The following RNF216 variants were observed in gnomAD, a reference collection of about 807,000 sequenced individuals.
The protein encoded by RNF216 is ring finger protein 216, also known as E3 ubiquitin-protein ligase RNF216.
In RNF216, 72 loss-of-function variants were observed where a neutral mutation model predicts 110.8. The observed-to-expected ratio is 0.65, with a 90% CI of 0.54 to 0.79. The LOEUF (loss-of-function observed/expected upper bound fraction) is 0.79. RNF216 is among the 30% of genes least tolerant of loss of function. RNF216 has a pLI of 0.00. For missense variants in RNF216, 1,342 were observed against 1,141.2 expected (o/e 1.18, Z -2.54); for synonymous variants, 495 against 407.5 (o/e 1.21, Z -2.59).
Position 5,721,104 on chromosome 7 carries a change from G to A in RNF216, c.1573C>T (p.Arg525Ter), listed in dbSNP as rs765327870. Reference protein sequence around the residue: ...NKRRHCRSYDRRALLPAVQQE... With the variant: ...NKRRHCRSYD ...TGCACAGCTGGAAGGAGAGCACGTC[G>A]GTCATAGGACCTACAATGTCGTCGC... The change falls in exon 9 of 17, where the codon CGA becomes TGA. Residue 525 changes from arginine (R) to a stop codon, truncating the protein, a stop_gained. Coordinates refer to ENST00000389902, the MANE Select transcript of RNF216 (RefSeq NM_207111.4). LOFTEE classifies it high-confidence loss of function. 1.2e-6 allele frequency: 2 copies of A among 1,613,828 alleles called. No individual in the cohort carries two copies. The highest frequency in any genetic ancestry group is 8.5e-7 in the Non-Finnish European group (1 of 1,179,804).
chr7:5,740,970 T>G lies in RNF216; in HGVS notation c.1044+3A>C. 1 of 1,585,494 alleles carries G rather than the reference T, an allele frequency of 6.3e-7. No homozygotes were observed. Among genetic ancestry groups the G allele is most frequent in the Non-Finnish European group, 8.5e-7 (1 of 1,169,882 alleles). On this transcript the variant is annotated splice_donor_region_variant and intron_variant, in intron 4 of 16. Transcript: ENST00000389902. ...TACATTTACTTGATAAAATAAAACT[T>G]ACCGTTTCTTTCACTAGTAGTTCAA...
chr7:5,734,124 G>A (rs150190697), intron 5 of RNF216, among the ~76,000 whole-genome samples: 2,080 of 152,280 alleles, frequency 0.014, 43 homozygotes, highest in African/African-American at 0.048. Context: ...GAAGGTGGAT[G>A]CCAGGGTGTG....
chr7:5,716,598 C>G (rs1362809831), intron 10 of RNF216, 118 bp downstream of exon 10: 2 of 715,988 alleles, frequency 2.8e-6, no homozygotes, highest in Non-Finnish European at 4.8e-6. Flanking sequence ...GAACTGCAAA[C>G]TCACCAAACA....
intron 13 of RNF216, among the ~76,000 whole-genome samples, chr7:5,667,226 G>A (rs1249260819): frequency 6.6e-6 from 1 of 152,138 alleles, no homozygotes; most frequent in African/African-American, 2.4e-5. Flanking sequence ...CATGTGTCAA[G>A]TATTTGTTTT....
At chr7:5,638,027 TGGATG>T (rs776129537) in intron 15 of RNF216, among the ~76,000 whole-genome samples, 1 of 152,118 alleles carries the variant, frequency 6.6e-6, no homozygotes, top group Non-Finnish European at 1.5e-5. Context: ...GCAGCCCCCT[TGGATG>T]GGCCCCACAC....
At chr7:5,706,795 T>C (rs1303683317) in intron 13 of RNF216, among the ~76,000 whole-genome samples, 1 of 152,272 alleles carries the variant, frequency 6.6e-6, no homozygotes, top group African/African-American at 2.4e-5. Context: ...TGCCTGTTTT[T>C]TGCTTTTGTC....
At chr7:5,665,504 G>A (rs1439409852) in intron 13 of RNF216, among the ~76,000 whole-genome samples, 1 of 152,128 alleles carries the variant, frequency 6.6e-6, no homozygotes, top group Non-Finnish European at 1.5e-5. Context: ...GAGCCACCAG[G>A]ATTAGGTGAC....
intron 13 of RNF216, among the ~76,000 whole-genome samples, chr7:5,681,915 C>T (rs763119063): frequency 6.6e-6 from 1 of 152,162 alleles, no homozygotes; most frequent in South Asian, 2.1e-4. Context: ...AGGGTGGTAA[C>T]CCCCAGTGGT....
intron 13 of RNF216, among the ~76,000 whole-genome samples, chr7:5,693,045 A>C (rs930984001): frequency 6.6e-6 from 1 of 152,148 alleles, no homozygotes; most frequent in Non-Finnish European, 1.5e-5. Context: ...TTTTCACTTA[A>C]TATCTTGGAG....
At chr7:5,639,894 G>A (rs540085374) in intron 15 of RNF216, among the ~76,000 whole-genome samples, 312 of 151,928 alleles carry the variant, frequency 2.1e-3, no homozygotes, top group African/African-American at 7.2e-3. Context: ...TGAGTAGCTG[G>A]GACTACAGGC....
At chr7:5,739,408 G>A (rs777755663) in intron 4 of RNF216, 56 bp from the exon 5 acceptor site, 1 of 1,528,078 alleles carries the variant, frequency 6.5e-7, no homozygotes, top group Admixed American at 1.8e-5. Flanking sequence ...GTTTCAAATG[G>A]CAATACAAGA....
At chr7:5,750,434 T>A (rs139009091) in intron 3 of RNF216, among the ~76,000 whole-genome samples, 1 of 152,226 alleles carries the variant, frequency 6.6e-6, no homozygotes, top group Non-Finnish European at 1.5e-5. Context: ...ACTGTGATTA[T>A]CTTTGGTAGA....
chr7:5,770,090 T>C (rs1292473094), intron 1 of RNF216, among the ~76,000 whole-genome samples: 1 of 143,272 alleles, frequency 7.0e-6, no homozygotes. Context: ...CTCACGCCTG[T>C]AGTCCCACCA....
intron 2 of RNF216, chr7:5,760,460 G>A: frequency 2.6e-6 from 1 of 385,552 alleles, no homozygotes; most frequent in Non-Finnish European, 5.3e-6. Flanking sequence ...AGCTCGTGGT[G>A]AGTCGAGATT....
intron 14 of RNF216, among the ~76,000 whole-genome samples, chr7:5,650,393 C>A (rs1021324606): frequency 6.6e-6 from 1 of 152,202 alleles, no homozygotes; most frequent in African/African-American, 2.4e-5. Flanking sequence ...AGAATGAAGG[C>A]TGTGCTTTGT....
chr7:5,709,097 C>T (rs1792492462), intron 13 of RNF216, among the ~76,000 whole-genome samples: 2 of 152,156 alleles, frequency 1.3e-5, no homozygotes, highest in Admixed American at 6.5e-5. Flanking sequence ...TGCTCCAACT[C>T]CTTCCCTCCC....
At chr7:5,721,223 A>T (rs747415238) in intron 8 of RNF216, 51 bp from the exon 9 acceptor site, 2 of 1,559,374 alleles carry the variant, frequency 1.3e-6, no homozygotes, top group Non-Finnish European at 1.8e-6. Flanking sequence ...TGTGTTAGGA[A>T]CCTGGGCCAG....
chr7:5,669,139 G>A (rs996822117), intron 13 of RNF216, among the ~76,000 whole-genome samples: 1 of 152,198 alleles, frequency 6.6e-6, no homozygotes, highest in African/African-American at 2.4e-5. Flanking sequence ...AGGATGGGCA[G>A]GACTGTCTGC....
chr7:5,711,126 C>T (rs1413779892), intron 13 of RNF216, among the ~76,000 whole-genome samples: 2 of 152,060 alleles, frequency 1.3e-5, no homozygotes, highest in African/African-American at 2.4e-5. Context: ...TAGGTGGATG[C>T]TAATATTCAC....
Sources: allele counts gnomAD v4.1 joint callset (sites outside exome capture counted in the v4.1 genomes callset), GRCh38; gene constraint gnomAD v4.1.1; transcripts MANE v1.5; gene names NCBI Gene and HGNC (gene_info 2026-07-23, HGNC 2026-07-21).